RAI14: variants seen among roughly 807,000 people sequenced by gnomAD.
RAI14 encodes ankycorbin.
RAI14 carries 45 observed loss-of-function variants against 115.4 expected under a neutral mutation model. The observed-to-expected ratio is 0.39, with a 90% CI of 0.31 to 0.50. RAI14 has a LOEUF of 0.50. Ranked by LOEUF, RAI14 falls within the 20% of genes least tolerant of loss-of-function variation. The probability of loss-of-function intolerance (pLI) is 0.85; values close to 1 mark genes in which losing one functional copy is unlikely to be tolerated. For missense variants in RAI14, 939 were observed against 1,131.2 expected (o/e 0.83, Z 2.44); for synonymous variants, 371 against 415.4 (o/e 0.89, Z 1.30).
intron 2 of RAI14, among the ~76,000 whole-genome samples, chr5:34,695,945 A>G (rs763906233): frequency 2.0e-5 from 3 of 151,906 alleles, no homozygotes; most frequent in African/African-American, 4.8e-5. Context: ...GGCCTCCCAA[A>G]TAGCTAGGAC....
chr5:34,744,489 C>G (rs1019374683), intron 2 of RAI14, among the ~76,000 whole-genome samples: 1 of 152,106 alleles, frequency 6.6e-6, no homozygotes, highest in Non-Finnish European at 1.5e-5. Context: ...TCTCCCTCGC[C>G]CCAGTGACCA....
chr5:34,701,270 A>C (rs2149930700), intron 2 of RAI14, among the ~76,000 whole-genome samples: 1 of 152,288 alleles, frequency 6.6e-6, no homozygotes, highest in African/African-American at 2.4e-5. Context: ...TTTTACCCTA[A>C]AATATGTTTA....
At chr5:34,751,638 T>C (rs1747035938) in intron 2 of RAI14, among the ~76,000 whole-genome samples, 1 of 152,240 alleles carries the variant, frequency 6.6e-6, no homozygotes, top group Admixed American at 6.5e-5. Context: ...CTGTGTGTTA[T>C]TCTGTTGCTT....
chr5:34,673,325 C>T (rs1219842172), intron 1 of RAI14, among the ~76,000 whole-genome samples: 2 of 152,168 alleles, frequency 1.3e-5, no homozygotes, highest in Middle Eastern at 3.2e-3. Flanking sequence ...GGCAATGGGG[C>T]AGGACAGATC....
At chr5:34,750,615 A>G (rs1370710625) in intron 2 of RAI14, among the ~76,000 whole-genome samples, 1 of 152,118 alleles carries the variant, frequency 6.6e-6, no homozygotes, top group African/African-American at 2.4e-5. Flanking sequence ...GGGGATGGTG[A>G]GGGAAGGAGA....
At chr5:34,688,186 G>A (rs527548177) in intron 2 of RAI14, 29 of 1,549,590 alleles carry the variant, frequency 1.9e-5, no homozygotes, top group African/African-American at 4.1e-5. Context: ...CAACCTCATC[G>A]TCTGCTGGCT....
chr5:34,776,026 C>T (rs550414980), intron 3 of RAI14, among the ~76,000 whole-genome samples: 2 of 152,108 alleles, frequency 1.3e-5, no homozygotes, highest in African/African-American at 4.8e-5. Flanking sequence ...CCTAAGTGTC[C>T]ATCATCAGAT....
chr5:34,789,840 A>C (rs1443682465), intron 3 of RAI14, among the ~76,000 whole-genome samples: 1 of 152,166 alleles, frequency 6.6e-6, no homozygotes, highest in Non-Finnish European at 1.5e-5. Flanking sequence ...TGATGTGGAA[A>C]CTGAGATAGA....
chr5:34,709,937 A>C (rs1364579005), intron 2 of RAI14, among the ~76,000 whole-genome samples: 1 of 152,234 alleles, frequency 6.6e-6, no homozygotes. Flanking sequence ...GAAGAAAAGC[A>C]AATGTGATTT....
intron 5 of RAI14, among the ~76,000 whole-genome samples, chr5:34,807,124 T>C (rs1755000042): frequency 6.6e-6 from 1 of 152,144 alleles, no homozygotes; most frequent in South Asian, 2.1e-4. Context: ...TTCATTCTTC[T>C]AGATGATATT....
intron 2 of RAI14, among the ~76,000 whole-genome samples, chr5:34,717,903 A>G (rs1742186471): frequency 9.8e-6 from 1 of 102,290 alleles, no homozygotes; most frequent in Non-Finnish European, 2.1e-5. Flanking sequence ...AGTTGTTCCC[A>G]AGCCTGTCAC....
In RAI14 at chr5:34,807,826, C is replaced by T. The variant is rs1170288232; in HGVS notation, c.348C>T (p.Asp116=). The T allele has an allele frequency of 1.9e-6, 3 of 1,611,286 alleles. No homozygotes were observed. The South Asian group carries it at 3.3e-5, about 18-fold the overall frequency. ...LQSKCPAESV[D]SSGKTALHYA... ...CTAAATGCCCAGCCGAAAGTGTCGACAGCTCTGGGAAAACAGCTTTACATT... is the reference window on the plus strand; with the variant it reads ...CTAAATGCCCAGCCGAAAGTGTCGATAGCTCTGGGAAAACAGCTTTACATT... Residue 116 remains aspartate, a synonymous_variant, in exon 6 of 18, where the codon GAC becomes GAT. Transcript: ENST00000265109.
chr5:34,817,284 A>G (rs556310548), intron 12 of RAI14, among the ~76,000 whole-genome samples: 1 of 151,828 alleles, frequency 6.6e-6, no homozygotes, highest in African/African-American at 2.4e-5. Context: ...AAAAAAAAAA[A>G]AAAAAGAAAA....
At chr5:34,778,740 A>ATT (rs35048604) in intron 3 of RAI14, among the ~76,000 whole-genome samples, 5 of 142,114 alleles carry the variant, frequency 3.5e-5, no homozygotes, top group African/African-American at 1.3e-4. Flanking sequence ...CGTTTCTGTG[A>ATT]TTTTTTTTTT....
intron 1 of RAI14, among the ~76,000 whole-genome samples, chr5:34,674,787 C>T (rs1443858102): frequency 6.6e-6 from 1 of 152,002 alleles, no homozygotes; most frequent in Non-Finnish European, 1.5e-5. Context: ...CGGGGTTTCG[C>T]CATGTTGACC....
intron 2 of RAI14, among the ~76,000 whole-genome samples, chr5:34,729,041 T>A (rs6897839): frequency 1.2e-3 from 183 of 152,204 alleles, no homozygotes; most frequent in African/African-American, 4.3e-3. Context: ...ATCGATAAAA[T>A]AAAGGTGAGG....
At position 34,818,700 on chromosome 5, in the gene RAI14, T is replaced by C. The variant is rs1756519534; in HGVS notation, c.940-97T>C. On this transcript the variant is annotated intron_variant, in intron 12 of 17. Transcript: ENST00000265109. ...GCTTTTCTAGTAGGATCATACCAGA[T>C]CTGCTCTGCGTAAGCTCAAGGAGGA... 6.3e-6 allele frequency: 6 copies of C among 945,382 alleles called. No homozygotes were observed. In the South Asian group the frequency reaches 7.9e-5, roughly 12 times the overall value. 58.6% of individuals were successfully genotyped at this position (945,382 alleles called of 1,614,324 possible).
intron 10 of RAI14, among the ~76,000 whole-genome samples, chr5:34,813,224 C>T (rs1295106094): frequency 1.3e-5 from 2 of 152,156 alleles, no homozygotes; most frequent in Non-Finnish European, 2.9e-5. Context: ...GTAATGCAGA[C>T]GTGTGGGAAA....
intron 15 of RAI14, 77 bp downstream of exon 15, chr5:34,824,568 C>G (rs1039484745): frequency 8.4e-7 from 1 of 1,187,830 alleles, no homozygotes; most frequent in African/African-American, 1.5e-5. Flanking sequence ...TTAAATATTT[C>G]TAGTGTTGGC....
Sources: allele counts gnomAD v4.1 joint callset (sites outside exome capture counted in the v4.1 genomes callset), GRCh38; gene constraint gnomAD v4.1.1; transcripts MANE v1.5; gene names NCBI Gene and HGNC (gene_info 2026-07-23, HGNC 2026-07-21).